The following GSAP variants were observed in gnomAD, a reference collection of about 807,000 sequenced individuals.
GSAP encodes the protein gamma-secretase activating protein, also known as gamma-secretase-activating protein.
Under a neutral mutation model 131.7 loss-of-function variants are expected in GSAP, and 118 were observed. The ratio of observed to expected loss-of-function variants is 0.90; its 90% confidence interval spans 0.77 to 1.04. GSAP has a LOEUF of 1.04. GSAP is among the 50% of genes least tolerant of loss of function. The pLI, the probability that GSAP is intolerant of heterozygous loss-of-function variation, is 0.00. For synonymous variants in GSAP, 381 were observed against 363.4 expected (o/e 1.05, Z -0.55); for missense variants, 1,019 against 1,013.2 (o/e 1.01, Z -0.08).
chr7:77,341,457 G>A (rs560092895), intron 19 of GSAP, among the ~76,000 whole-genome samples: 6 of 152,158 alleles, frequency 3.9e-5, no homozygotes, highest in Admixed American at 6.5e-5. Flanking sequence ...TTCATTCCAC[G>A]ACTAGCCCTT....
chr7:77,406,209 C>A (rs1435512103), intron 1 of GSAP, 104 bp from the exon 2 acceptor site: 2 of 585,790 alleles, frequency 3.4e-6, no homozygotes, highest in African/African-American at 2.0e-5. Flanking sequence ...ACTAATAATT[C>A]TATTATATAA....
intron 19 of GSAP, among the ~76,000 whole-genome samples, chr7:77,341,694 T>C (rs542367359): frequency 3.3e-5 from 5 of 152,212 alleles, no homozygotes; most frequent in Non-Finnish European, 2.9e-5. Flanking sequence ...ATTCTCAGTA[T>C]GCATTTTATT....
At chr7:77,361,555 A>T (rs1172367394) in intron 13 of GSAP, among the ~76,000 whole-genome samples, 2 of 152,178 alleles carry the variant, frequency 1.3e-5, no homozygotes. Context: ...TTTTTACCTT[A>T]ATCTCTAACC....
At position 77,355,563 on chromosome 7, in the gene GSAP, AAG is replaced by A; in HGVS notation, c.1110_1111del (p.Phe371SerfsTer5). The stretch of plus-strand genomic sequence containing the variant: ...AAAAACTATAGCCGTACCTGTCAGA[AAG>A]AGATTGTGGCAGATCAGGTCTGGAT... On this transcript the variant is annotated frameshift_variant, in exon 15 of 31. Transcript: ENST00000257626. LOFTEE classifies it high-confidence loss of function. 1 of 1,608,196 alleles carries A rather than the reference AAG, an allele frequency of 6.2e-7. No homozygotes were observed.
At chr7:77,398,923 T>C (rs1310418929) in intron 3 of GSAP, among the ~76,000 whole-genome samples, 2 of 152,370 alleles carry the variant, frequency 1.3e-5, no homozygotes, top group Middle Eastern at 3.4e-3. Context: ...TGGAATGTAT[T>C]ATTCTGACAA....
At chr7:77,350,738 G>A (rs796533328) in intron 18 of GSAP, among the ~76,000 whole-genome samples, 9 of 152,108 alleles carry the variant, frequency 5.9e-5, no homozygotes, top group South Asian at 2.1e-4. Context: ...GCAAGACTCC[G>A]TCTCCAAAGA....
intron 1 of GSAP, among the ~76,000 whole-genome samples, chr7:77,412,056 G>A (rs761282714): frequency 7.9e-5 from 12 of 152,178 alleles, no homozygotes; most frequent in Non-Finnish European, 1.6e-4. Context: ...GCATATGCCC[G>A]TAATCCCAGC....
intron 5 of GSAP, among the ~76,000 whole-genome samples, chr7:77,388,120 T>G (rs186807142): frequency 7.9e-5 from 12 of 152,348 alleles, no homozygotes; most frequent in Admixed American, 2.6e-4. Context: ...AGTTTGACTT[T>G]GACATTTCTA....
chr7:77,323,601 G>A, intron 24 of GSAP, 46 bp downstream of exon 24: 1 of 898,010 alleles, frequency 1.1e-6, no homozygotes, highest in East Asian at 2.6e-5. Context: ...ACTATATGGG[G>A]AGTGGGGTGA....
chr7:77,326,397 T>C (rs1476609450), intron 22 of GSAP, 124 bp from the exon 23 acceptor site: 7 of 643,376 alleles, frequency 1.1e-5, no homozygotes, highest in Non-Finnish European at 2.7e-6. Flanking sequence ...AGGATGAAAA[T>C]TTTTCATCAC....
chr7:77,368,238 C>G (rs1321642985), intron 12 of GSAP, among the ~76,000 whole-genome samples: 1 of 152,104 alleles, frequency 6.6e-6, no homozygotes, highest in Non-Finnish European at 1.5e-5. Flanking sequence ...AAGTTGTTTC[C>G]TGGATTAGTC....
chr7:77,392,339 G>A (rs1799702174), intron 5 of GSAP, among the ~76,000 whole-genome samples: 1 of 152,054 alleles, frequency 6.6e-6, no homozygotes, highest in Admixed American at 6.6e-5. Flanking sequence ...CCTGAGCTCA[G>A]GAGTTCAAGA....
At chr7:77,352,834 A>C (rs1793082981) in intron 18 of GSAP, 110 bp downstream of exon 18, 4 of 629,412 alleles carry the variant, frequency 6.4e-6, no homozygotes, top group Middle Eastern at 2.6e-4. Context: ...TTTATCAGTC[A>C]AAACAGTAGT....
chr7:77,402,462 G>A (rs1801494057), intron 3 of GSAP, among the ~76,000 whole-genome samples: 1 of 148,312 alleles, frequency 6.7e-6, no homozygotes, highest in Non-Finnish European at 1.5e-5. Flanking sequence ...GGGCGTGGTG[G>A]CACACACCTG....
chr7:77,408,704 AAAAAAAAAAG>A (rs1175174427), intron 1 of GSAP, among the ~76,000 whole-genome samples: 1 of 151,598 alleles, frequency 6.6e-6, no homozygotes, highest in Non-Finnish European at 1.5e-5. Flanking sequence ...AAAAAAAAAA[AAAAAAAAAAG>A]AAAAGATAAA....
chr7:77,329,275 C>T lies in GSAP; in HGVS notation c.1733+58G>A, dbSNP rs147778648. On this transcript the variant is annotated intron_variant, in intron 21 of 30. Transcript: ENST00000257626. ...CTTCTATAAAAGGTAGCCAACAAAA[C>T]AAAGTAATTGTAAATGTCAACCATC... 127 of 962,330 alleles carry T rather than the reference C, an allele frequency of 1.3e-4. 1 individual carries two copies. The East Asian group carries it at 3.3e-3, about 25-fold the overall frequency. 59.6% of individuals were successfully genotyped at this position (962,330 alleles called of 1,614,324 possible). A position where few individuals can be genotyped will look rare whatever the true frequency, so the allele number is the denominator to read the frequency against.
intron 26 of GSAP, among the ~76,000 whole-genome samples, chr7:77,318,205 C>T (rs1468745972): frequency 6.6e-6 from 1 of 152,188 alleles, no homozygotes; most frequent in Non-Finnish European, 1.5e-5. Flanking sequence ...AATTACTCAA[C>T]CTTTCTGGCC....
chr7:77,332,322 C>A (rs1442713172), intron 19 of GSAP, among the ~76,000 whole-genome samples: 28 of 152,206 alleles, frequency 1.8e-4, no homozygotes, highest in Admixed American at 1.0e-3. Flanking sequence ...GAGGTAGGCA[C>A]ATTTTTCATA....
rs1474916427 is a variant in GSAP at position 77,311,361 on chromosome 7, T to G, written c.2562A>C (p.Leu854Phe). ...AGATCCAATTGCGTTTTCTTTTTCA[T>G]AAGCCTAAAAGCATCGCGGTGTGTT... ...ALKHTAMLLGL is the reference protein window; with the variant it reads ...ALKHTAMLLGF Residue 854 changes from leucine to phenylalanine, a missense_variant, in exon 31 of 31, where the codon TTA becomes TTC. Leu to Phe is a conservative substitution (Grantham distance 22). Coordinates refer to ENST00000257626, the MANE Select transcript of GSAP (RefSeq NM_017439.4). 2 of 1,593,496 alleles carry G rather than the reference T, an allele frequency of 1.3e-6. No homozygotes were observed. Among genetic ancestry groups the G allele is most frequent in the Non-Finnish European group, 8.6e-7 (1 of 1,161,472 alleles).
Sources: allele counts gnomAD v4.1 joint callset (sites outside exome capture counted in the v4.1 genomes callset), GRCh38; gene constraint gnomAD v4.1.1; transcripts MANE v1.5; gene names NCBI Gene and HGNC (gene_info 2026-07-23, HGNC 2026-07-21).